The following SOX6 variants were observed in gnomAD, a reference collection of about 807,000 sequenced individuals.
SOX6 encodes the protein SRY-box transcription factor 6, also known as transcription factor SOX-6.
In SOX6, 11 loss-of-function variants were observed where a neutral mutation model predicts 97.8. The observed-to-expected ratio is 0.11, with a 90% confidence interval of 0.07 to 0.19. The LOEUF (loss-of-function observed/expected upper bound fraction) is 0.19. Ranked by LOEUF, SOX6 falls within the 10% of genes least tolerant of loss-of-function variation. The probability of loss-of-function intolerance (pLI) is 1.00; values close to 1 mark genes in which losing one functional copy is unlikely to be tolerated. For missense variants in SOX6, 810 were observed against 1,039.5 expected (o/e 0.78, Z 3.04); for synonymous variants, 360 against 371.4 (o/e 0.97, Z 0.35).
chr11:16,015,460 T>A (rs995964741), intron 12 of SOX6: 1 of 187,348 alleles, frequency 5.3e-6, no homozygotes, highest in East Asian at 1.4e-4. Context: ...ATAGTTTGCA[T>A]TGGTATTCCT....
At chr11:16,043,559 C>T (rs899942940) in intron 12 of SOX6, among the ~76,000 whole-genome samples, 2 of 152,098 alleles carry the variant, frequency 1.3e-5, no homozygotes, top group South Asian at 2.1e-4. Flanking sequence ...CATGAGTAAA[C>T]GTGTAATCAT....
intron 3 of SOX6, among the ~76,000 whole-genome samples, chr11:16,652,973 C>G (rs966150028): frequency 2.0e-5 from 3 of 152,034 alleles, no homozygotes; most frequent in Middle Eastern, 3.4e-3. Flanking sequence ...AGACAATTCT[C>G]AAAAGAAGAT....
chr11:16,559,411 C>G (rs574992951), intron 4 of SOX6, among the ~76,000 whole-genome samples: 4 of 152,006 alleles, frequency 2.6e-5, no homozygotes, highest in Non-Finnish European at 5.9e-5. Flanking sequence ...ATAAAAATCT[C>G]GTTGCTGCCC....
chr11:16,289,977 C>A (rs148529198), intron 3 of SOX6, among the ~76,000 whole-genome samples: 1 of 152,058 alleles, frequency 6.6e-6, no homozygotes, highest in African/African-American at 2.4e-5. Context: ...AACAAAAAGT[C>A]TTTTAACAAG....
In SOX6 at chr11:16,587,618, T is replaced by C. The variant is rs141032526; in HGVS notation, n.609+24463A>G. Among the ~76,000 whole-genome samples, 1,193 of 152,220 alleles carry C rather than the reference T, an allele frequency of 7.8e-3. 14 individuals carry two copies. Among genetic ancestry groups the C allele is most frequent in the African/African-American group, 0.027 (1,139 of 41,532 alleles). On this transcript the variant is annotated intron_variant and non_coding_transcript_variant, in intron 4 of 5. Transcript: ENST00000524520. ...AAATAAATAGATACTGAAAAGAAAG[T>C]GAGAAAATCAGAAATCTGTTCATTT...
At chr11:16,616,292 T>G (rs1361714798) in intron 3 of SOX6, among the ~76,000 whole-genome samples, 1 of 152,092 alleles carries the variant, frequency 6.6e-6, no homozygotes, top group Non-Finnish European at 1.5e-5. Context: ...CCAATAAATA[T>G]GAAACAATAA....
intron 3 of SOX6, among the ~76,000 whole-genome samples, chr11:16,616,949 CAA>C (rs1848478719): frequency 1.3e-5 from 2 of 151,792 alleles, no homozygotes; most frequent in Admixed American, 6.6e-5. Flanking sequence ...AACTGTATTT[CAA>C]GTCAAAGTGT....
At chr11:16,071,745 C>T (rs970653642) in intron 9 of SOX6, among the ~76,000 whole-genome samples, 6 of 152,050 alleles carry the variant, frequency 3.9e-5, no homozygotes, top group Non-Finnish European at 7.4e-5. Context: ...TTCCAACTGT[C>T]GTCCCTGCCT....
At chr11:16,518,710 C>A (rs1239999841) in intron 4 of SOX6, among the ~76,000 whole-genome samples, 2 of 152,108 alleles carry the variant, frequency 1.3e-5, no homozygotes, top group African/African-American at 4.8e-5. Context: ...GAAATATTTG[C>A]TGTGCTGTGT....
intron 3 of SOX6, among the ~76,000 whole-genome samples, chr11:16,631,384 C>G (rs373846009): frequency 1.1e-4 from 16 of 152,324 alleles, no homozygotes; most frequent in African/African-American, 3.4e-4. Context: ...GTTGGAATTT[C>G]TTTCCTTTAA....
chr11:16,147,841 A>G (rs996070125), intron 6 of SOX6, among the ~76,000 whole-genome samples: 1 of 152,134 alleles, frequency 6.6e-6, no homozygotes, highest in South Asian at 2.1e-4. Context: ...CCTCTTCCTA[A>G]ATTCTGTTAT....
At chr11:16,234,379 A>G (rs527500235) in intron 4 of SOX6, among the ~76,000 whole-genome samples, 1 of 152,172 alleles carries the variant, frequency 6.6e-6, no homozygotes, top group Non-Finnish European at 1.5e-5. Flanking sequence ...TTTATAGACT[A>G]ATACAAAAAG....
intron 2 of SOX6, among the ~76,000 whole-genome samples, chr11:16,327,927 C>T (rs569248471): frequency 1.3e-5 from 2 of 152,234 alleles, no homozygotes; most frequent in Admixed American, 6.5e-5. Flanking sequence ...GAACAGAATA[C>T]TATTCACTTG....
intron 4 of SOX6, among the ~76,000 whole-genome samples, chr11:16,495,259 A>C (rs902042575): frequency 5.3e-5 from 8 of 152,034 alleles, no homozygotes; most frequent in African/African-American, 1.9e-4. Context: ...CACTGAAAGC[A>C]CCTCCACAAT....
rs529178742 is a variant in SOX6 at position 16,163,844 on chromosome 11, A to G, written c.777+20042T>C. Among the ~76,000 whole-genome samples, 8 of 152,320 alleles carry G rather than the reference A, an allele frequency of 5.3e-5. No homozygotes were observed. The South Asian group carries it at 1.2e-3, about 24-fold the overall frequency. ...TCATGTGGTATGTATTTTGTCTTCT[A>G]TGAAAAGTTGGGGCATTGACAGGTA... On this transcript the variant is annotated intron_variant, in intron 6 of 15. Coordinates refer to ENST00000683767, the MANE Select transcript of SOX6 (RefSeq NM_001367873.1).
chr11:16,722,110 A>T (rs921056755), intron 2 of SOX6, among the ~76,000 whole-genome samples: 2 of 152,192 alleles, frequency 1.3e-5, no homozygotes, highest in African/African-American at 4.8e-5. Context: ...ACCATCCTGG[A>T]CATAAGAATG....
At chr11:16,497,646 C>T (rs1031045930) in intron 4 of SOX6, among the ~76,000 whole-genome samples, 10 of 152,068 alleles carry the variant, frequency 6.6e-5, no homozygotes, top group South Asian at 2.1e-4. Flanking sequence ...CTGAAAACCA[C>T]GGCATGAGAA....
chr11:16,192,395 A>G (rs1285119439), intron 4 of SOX6, among the ~76,000 whole-genome samples: 8 of 152,126 alleles, frequency 5.3e-5, no homozygotes, highest in Non-Finnish European at 4.4e-5. Context: ...AATTTGATCC[A>G]TTGAATTCTT....
At chr11:16,715,751 A>C (rs1325643154) in intron 2 of SOX6, among the ~76,000 whole-genome samples, 1 of 152,202 alleles carries the variant, frequency 6.6e-6, no homozygotes. Context: ...GGAAGTAAAA[A>C]AAAAGATTAA....
Sources: allele counts gnomAD v4.1 joint callset (sites outside exome capture counted in the v4.1 genomes callset), GRCh38; gene constraint gnomAD v4.1.1; transcripts MANE v1.5; gene names NCBI Gene and HGNC (gene_info 2026-07-23, HGNC 2026-07-21).